DISP1: variants seen among roughly 807,000 people sequenced by gnomAD.
The protein encoded by DISP1 is protein dispatched homolog 1.
Under a neutral mutation model 37.3 loss-of-function variants are expected in DISP1, and 30 were observed. The ratio of observed to expected loss-of-function variants is 0.80; its 90% CI spans 0.60 to 1.09. The LOEUF is 1.09. DISP1 is among the 50% of genes least tolerant of loss of function. The probability of loss-of-function intolerance (pLI) is 0.00; values close to 1 mark genes in which losing one functional copy is unlikely to be tolerated. For missense variants in DISP1, 1,598 were observed against 1,879.5 expected (o/e 0.85, Z 2.77); for synonymous variants, 634 against 690.2 (o/e 0.92, Z 1.28).
rs182345015 is a variant in DISP1, at chr1:222,961,250, A to C, written c.509+17918A>C. ...GTACTGGCAAACCAAATCCAGCAGC[A>C]CATCAAAAAGCTTATCCGCCATGAT... On this transcript the variant is annotated intron_variant, in intron 3 of 8. Transcript: ENST00000675850. 1.9e-4 allele frequency among the ~76,000 whole-genome samples: 29 copies of C among 152,348 alleles called. 1 individual carries two copies. In the East Asian group the frequency reaches 5.4e-3, roughly 28 times the overall value.
At chr1:222,916,223 G>A (rs548376595) in intron 1 of DISP1, among the ~76,000 whole-genome samples, 6 of 152,334 alleles carry the variant, frequency 3.9e-5, no homozygotes, top group African/African-American at 1.4e-4. Flanking sequence ...TCTTTTGGGT[G>A]TGCCCCAACA....
At position 222,842,948 on chromosome 1, in the gene DISP1, T is replaced by C. The variant is rs145732584; in HGVS notation, c.-159+27870T>C. ...TCAGAATAGTAGCCCATCAAAAATATGCCATTATTAGTTCATTCGTAGTTA... is the reference window on the plus strand; with the variant it reads ...TCAGAATAGTAGCCCATCAAAAATACGCCATTATTAGTTCATTCGTAGTTA... On this transcript the variant is annotated intron_variant, in intron 1 of 8. Transcript: ENST00000675850. 2.4e-3 allele frequency among the ~76,000 whole-genome samples: 365 copies of C among 152,154 alleles called. 3 individuals are homozygous for C. The highest frequency in any genetic ancestry group is 8.5e-3 in the African/African-American group (354 of 41,556).
chr1:222,945,014 CA>C (rs5781292), intron 3 of DISP1, among the ~76,000 whole-genome samples: 80,649 of 147,074 alleles, frequency 0.55, 22,128 homozygotes, highest in African/African-American at 0.66. Context: ...TCTGTATCTA[CA>C]AAAAAAAAAG....
At chr1:222,902,155 C>A (rs1443163416) in intron 1 of DISP1, among the ~76,000 whole-genome samples, 2 of 152,058 alleles carry the variant, frequency 1.3e-5, no homozygotes, top group East Asian at 3.9e-4. Context: ...TCTCTATTTC[C>A]TTCAGTTCTG....
At chr1:222,905,122 ACT>A (rs1197814907) in intron 1 of DISP1, among the ~76,000 whole-genome samples, 2 of 151,992 alleles carry the variant, frequency 1.3e-5, no homozygotes, top group Non-Finnish European at 2.9e-5. Flanking sequence ...GAGCATAAAA[ACT>A]CTAAAAATAA....
intron 1 of DISP1, among the ~76,000 whole-genome samples, chr1:222,892,430 G>C (rs981728238): frequency 1.3e-5 from 2 of 152,176 alleles, no homozygotes; most frequent in Admixed American, 6.5e-5. Flanking sequence ...TATTCACATA[G>C]TATATTTTGT....
At chr1:222,828,616 C>G (rs951602169) in intron 1 of DISP1, among the ~76,000 whole-genome samples, 1 of 152,116 alleles carries the variant, frequency 6.6e-6, no homozygotes, top group Non-Finnish European at 1.5e-5. Context: ...GGTCTTTGCT[C>G]AGGCTCTCCA....
At chr1:222,979,807 C>G (rs1677702917) in intron 3 of DISP1, 3 of 324,896 alleles carry the variant, frequency 9.2e-6, no homozygotes, top group Non-Finnish European at 1.9e-5. Context: ...GCTGCTGTCT[C>G]CTACAGCCAC....
At position 222,877,900 on chromosome 1, in the gene DISP1, TGTA is replaced by T. The variant is rs1670054302; in HGVS notation, c.-158-50528_-158-50526del. Among the ~76,000 whole-genome samples the T allele has an allele frequency of 2.0e-5, 3 of 152,160 alleles. No homozygotes were observed. The South Asian group carries it at 6.2e-4, about 32-fold the overall frequency. On this transcript the variant is annotated intron_variant, in intron 1 of 8. Transcript: ENST00000675850. ...ACCCAAGAGAACAGCCCTGATATGT[TGTA>T]GGAAGGAGCACAGCCAATAGAAGCT...
chr1:222,852,371 CGTTTTTT>C (rs1180802957), intron 1 of DISP1, among the ~76,000 whole-genome samples: 1 of 148,000 alleles, frequency 6.8e-6, no homozygotes, highest in East Asian at 2.0e-4. Flanking sequence ...TTTTGTTTTT[CGTTTTTT>C]GTTTTTGTGG....
chr1:222,856,771 C>G (rs563110472), intron 1 of DISP1, among the ~76,000 whole-genome samples: 35 of 143,514 alleles, frequency 2.4e-4, no homozygotes, highest in African/African-American at 8.8e-4. Context: ...GTGGCTCAAT[C>G]TTGGCTCACT....
chr1:222,920,236 T>C (rs1249126137), intron 1 of DISP1, among the ~76,000 whole-genome samples: 1 of 152,212 alleles, frequency 6.6e-6, no homozygotes, highest in African/African-American at 2.4e-5. Flanking sequence ...GAGAATGTTC[T>C]GATTAGACTC....
At chr1:222,911,618 CA>C (rs1380598135) in intron 1 of DISP1, among the ~76,000 whole-genome samples, 1 of 152,080 alleles carries the variant, frequency 6.6e-6, no homozygotes, top group African/African-American at 2.4e-5. Flanking sequence ...TGGGATTGCT[CA>C]AACAATCCTT....
At chr1:222,906,374 G>A (rs1316072753) in intron 1 of DISP1, among the ~76,000 whole-genome samples, 1 of 152,120 alleles carries the variant, frequency 6.6e-6, no homozygotes, top group Non-Finnish European at 1.5e-5. Flanking sequence ...AGTTACCAGA[G>A]GCGTTTGAAC....
intron 1 of DISP1, among the ~76,000 whole-genome samples, chr1:222,821,425 G>A (rs1027353315): frequency 6.6e-6 from 1 of 152,334 alleles, no homozygotes; most frequent in Non-Finnish European, 1.5e-5. Flanking sequence ...GGAATGTGAT[G>A]CGGTTTGGCT....
intron 1 of DISP1, among the ~76,000 whole-genome samples, chr1:222,815,641 C>T (rs775759340): frequency 6.6e-6 from 1 of 152,326 alleles, no homozygotes; most frequent in South Asian, 2.1e-4. Flanking sequence ...TCCCGCTCCG[C>T]GCGTGTGGAT....
At chr1:222,942,713 T>C in intron 2 of DISP1, 94 bp from the exon 3 acceptor site, 1 of 1,466,160 alleles carries the variant, frequency 6.8e-7, no homozygotes, top group Non-Finnish European at 9.5e-7. Context: ...AGAACCCTCA[T>C]TTTCAATGAG....
chr1:222,904,449 T>A (rs1417428860), intron 1 of DISP1, among the ~76,000 whole-genome samples: 6 of 152,116 alleles, frequency 3.9e-5, no homozygotes, highest in Admixed American at 3.3e-4. Context: ...GTATTCATGA[T>A]GTTAAAAAGA....
At chr1:222,873,292 G>A (rs1051076029) in intron 1 of DISP1, among the ~76,000 whole-genome samples, 6 of 152,166 alleles carry the variant, frequency 3.9e-5, no homozygotes, top group Non-Finnish European at 1.5e-5. Context: ...TATTAGGTCT[G>A]CTTGGTGCAG....
Sources: gnomAD v4.1 joint callset for allele counts (sites outside exome capture counted in the v4.1 genomes callset) on GRCh38, gnomAD v4.1.1 for gene constraint, MANE v1.5 for transcripts, NCBI Gene and HGNC (gene_info 2026-07-23, HGNC 2026-07-21) for gene names.